The following ME3 variants were observed in gnomAD, a reference collection of about 807,000 sequenced individuals.
ME3 encodes the protein NADP-dependent malic enzyme, mitochondrial.
In ME3, 48 loss-of-function variants were observed where a neutral mutation model predicts 68.9. The observed-to-expected ratio is 0.70, with a 90% CI of 0.55 to 0.89. The LOEUF (loss-of-function observed/expected upper bound fraction) is 0.89, where lower values mean the gene tolerates loss of function less well. Among genes scored for constraint, ME3 ranks in the 40% least tolerant of loss-of-function variants. The pLI is 0.00. For missense variants in ME3, 675 were observed against 797.4 expected (o/e 0.85, Z 1.85); for synonymous variants, 320 against 318.8 (o/e 1.00, Z -0.04).
Position 86,587,533 on chromosome 11 carries a change from C to G in ME3, c.184-27710G>C, listed in dbSNP as rs1260946409. 3.9e-5 allele frequency among the ~76,000 whole-genome samples: 6 copies of G among 152,342 alleles called. No homozygotes were observed. In the East Asian group the frequency reaches 1.2e-3, roughly 29 times the overall value. ...AACCCTCTGGGTAAATTTTACTCAT[C>G]CCTGAGGCCTAACTCGAGTCTTGCC... On this transcript the variant is annotated intron_variant, in intron 2 of 14. Coordinates refer to ENST00000543262, the Ensembl canonical transcript of ME3.
chr11:86,668,905 C>A (rs1946740693), intron 2 of ME3, among the ~76,000 whole-genome samples: 2 of 152,220 alleles, frequency 1.3e-5, no homozygotes, highest in South Asian at 2.1e-4. Flanking sequence ...CCTGGAAGGG[C>A]TCTCCTTCTA....
chr11:86,592,008 C>T (rs1291670646), intron 2 of ME3, among the ~76,000 whole-genome samples: 1 of 152,104 alleles, frequency 6.6e-6, no homozygotes, highest in Non-Finnish European at 1.5e-5. Context: ...GTTATGGGAG[C>T]CTGAGCAAAC....
chr11:86,657,790 C>T (rs951036065), intron 2 of ME3, among the ~76,000 whole-genome samples: 1 of 152,162 alleles, frequency 6.6e-6, no homozygotes, highest in Admixed American at 6.5e-5. Context: ...GTCTTTCTCA[C>T]TAGATTGTAC....
chr11:86,530,925 G>A (rs1434652988), intron 4 of ME3, among the ~76,000 whole-genome samples: 2 of 152,098 alleles, frequency 1.3e-5, no homozygotes, highest in African/African-American at 4.8e-5. Context: ...TACCATTCAG[G>A]ACATAGGCAT....
intron 3 of ME3, among the ~76,000 whole-genome samples, chr11:86,556,910 C>T (rs1185808753): frequency 6.6e-6 from 1 of 151,592 alleles, no homozygotes; most frequent in Non-Finnish European, 1.5e-5. Context: ...GGTGTAGATA[C>T]TGTTCTAAAT....
chr11:86,525,550 A>G (rs628449), intron 4 of ME3, among the ~76,000 whole-genome samples: 50,859 of 151,600 alleles, frequency 0.34, 8,871 homozygotes, highest in African/African-American at 0.44. Flanking sequence ...TTGCCTACAA[A>G]AGATTCAGTT....
At chr11:86,467,681 T>A (rs532679706) in intron 7 of ME3, among the ~76,000 whole-genome samples, 3 of 138,864 alleles carry the variant, frequency 2.2e-5, no homozygotes, top group South Asian at 2.5e-4. Context: ...TCTCTCTCTC[T>A]CTCTCTCTCT....
chr11:86,501,911 A>G (rs940385122), intron 5 of ME3, among the ~76,000 whole-genome samples: 4 of 152,116 alleles, frequency 2.6e-5, no homozygotes, highest in Non-Finnish European at 5.9e-5. Context: ...TGGTCTCTCT[A>G]CTGGATTTTC....
At chr11:86,613,363 A>G (rs1827087161) in intron 2 of ME3, among the ~76,000 whole-genome samples, 1 of 152,224 alleles carries the variant, frequency 6.6e-6, no homozygotes, top group Non-Finnish European at 1.5e-5. Flanking sequence ...AGCCAATATC[A>G]TACTGAATGG....
chr11:86,585,619 A>G (rs1958687775), intron 2 of ME3, among the ~76,000 whole-genome samples: 1 of 152,174 alleles, frequency 6.6e-6, no homozygotes, highest in African/African-American at 2.4e-5. Context: ...TTTTCCTTTG[A>G]GACATTTATC....
chr11:86,568,367 A>G (rs990057924), intron 2 of ME3, among the ~76,000 whole-genome samples: 17 of 152,194 alleles, frequency 1.1e-4, no homozygotes, highest in African/African-American at 4.1e-4. Flanking sequence ...GAATAGTAGG[A>G]GGCCTCAAGA....
At chr11:86,456,199 G>T (rs186755942) in intron 8 of ME3, among the ~76,000 whole-genome samples, 2 of 152,294 alleles carry the variant, frequency 1.3e-5, no homozygotes, top group Admixed American at 1.3e-4. Context: ...ATTGGCTAGC[G>T]GGAGTTTTCT....
chr11:86,562,274 T>C (rs1435014373), intron 2 of ME3, among the ~76,000 whole-genome samples: 1 of 152,236 alleles, frequency 6.6e-6, no homozygotes, highest in East Asian at 1.9e-4. Context: ...ATTTATACCA[T>C]AGTTTGTTTC....
intron 8 of ME3, among the ~76,000 whole-genome samples, chr11:86,464,360 C>T (rs1325422731): frequency 1.3e-5 from 2 of 152,248 alleles, no homozygotes; most frequent in African/African-American, 4.8e-5. Flanking sequence ...CCTTTCCACT[C>T]CAGCTTTGGA....
chr11:86,660,600 T>G (rs184735559), intron 2 of ME3, among the ~76,000 whole-genome samples: 116 of 152,316 alleles, frequency 7.6e-4, no homozygotes, highest in Non-Finnish European at 1.4e-3. Context: ...ATTTTTAGCC[T>G]TTGAGCTCTG....
Position 86,595,332 on chromosome 11 carries a change from G to GAGAGAGA in ME3, c.184-35510_184-35509insTCTCTCT, listed in dbSNP as rs1565186315. Among the ~76,000 whole-genome samples, 10 of 134,346 alleles carry GAGAGAGA rather than the reference G, an allele frequency of 7.4e-5. 1 individual carries two copies. Among genetic ancestry groups the GAGAGAGA allele is most frequent in the African/African-American group, 1.1e-4 (4 of 36,064 alleles). 88.1% of individuals were successfully genotyped at this position (134,346 alleles called of 152,430 possible). On this transcript the variant is annotated intron_variant, in intron 2 of 14. Coordinates refer to ENST00000543262, the Ensembl canonical transcript of ME3. ...AGAGAGAGAGAGAGAGAGAGAGAGAGCTTATTATGTATCAGTCACTGGTCC... is the reference window on the plus strand; with the variant it reads ...AGAGAGAGAGAGAGAGAGAGAGAGAGAGAGAGACTTATTATGTATCAGTCACTGGTCC...
At chr11:86,612,381 A>G (rs1039500027) in intron 2 of ME3, among the ~76,000 whole-genome samples, 1 of 152,170 alleles carries the variant, frequency 6.6e-6, no homozygotes, top group Non-Finnish European at 1.5e-5. Flanking sequence ...ATATGTGTGC[A>G]TGTGTCTTTA....
intron 5 of ME3, among the ~76,000 whole-genome samples, chr11:86,508,542 C>T (rs769117379): frequency 2.0e-5 from 3 of 152,210 alleles, no homozygotes; most frequent in Non-Finnish European, 4.4e-5. Context: ...GGACTCAACA[C>T]ATGCTGAACA....
chr11:86,512,371 G>A (rs867932874), intron 4 of ME3, among the ~76,000 whole-genome samples: 5 of 152,012 alleles, frequency 3.3e-5, no homozygotes, highest in Admixed American at 2.0e-4. Context: ...AATCCCCATC[G>A]CCCTCATTAG....
Sources: gnomAD v4.1 joint callset for allele counts (sites outside exome capture counted in the v4.1 genomes callset) on GRCh38, gnomAD v4.1.1 for gene constraint, MANE v1.5 for transcripts, NCBI Gene and HGNC (gene_info 2026-07-23, HGNC 2026-07-21) for gene names.